Variants in TRUB2 observed in about 807,000 individuals in gnomAD.
TRUB2 encodes the protein pseudouridylate synthase TRUB2, mitochondrial.
In TRUB2, 31 loss-of-function variants were observed where a neutral mutation model predicts 31.9. The observed-to-expected ratio is 0.97, with a 90% CI of 0.73 to 1.31. TRUB2 has a LOEUF of 1.31. Among genes scored for constraint, TRUB2 ranks in the 50% most tolerant of loss-of-function variants. TRUB2 has a pLI of 0.00. For synonymous variants in TRUB2, 201 were observed against 182.6 expected (o/e 1.10, Z -0.81); for missense variants, 451 against 439.6 (o/e 1.03, Z -0.23).
chr9:128,322,184 A>T, intron 1 of TRUB2, 116 bp downstream of exon 1: 1 of 792,676 alleles, frequency 1.3e-6, no homozygotes, highest in Non-Finnish European at 2.1e-6. Context: ...CGTTTGGGAA[A>T]GCGCTCTGCC....
At chr9:128,314,132 T>G (rs550731926) in intron 4 of TRUB2, among the ~76,000 whole-genome samples, 1 of 152,262 alleles carries the variant, frequency 6.6e-6, no homozygotes, top group African/African-American at 2.4e-5. Flanking sequence ...ACAGGGCCAG[T>G]CTCACAGTAC....
At chr9:128,315,744 A>C in intron 3 of TRUB2, 116 bp from the exon 4 acceptor site, 1 of 1,203,770 alleles carries the variant, frequency 8.3e-7, no homozygotes, top group Non-Finnish European at 1.2e-6. Context: ...CAAAGGCAAC[A>C]AGAAGGCAAA....
chr9:128,306,735 C>CT lies in TRUB2; in HGVS notation c.*2814dup, dbSNP rs879861880. 304 of 143,746 alleles carry CT rather than the reference C, an allele frequency of 2.1e-3. No individual in the cohort carries two copies. Among genetic ancestry groups the CT allele is most frequent in the Non-Finnish European group, 3.4e-3 (226 of 65,522 alleles). The allele number at this position is 143,746 out of a possible 1,614,324, so 8.9% of individuals were successfully genotyped here. A position where few individuals can be genotyped will look rare whatever the true frequency, so the allele number is the denominator to read the frequency against. On this transcript the variant is annotated 3_prime_UTR_variant, in exon 8 of 8. Coordinates refer to ENST00000372890, the MANE Select transcript of TRUB2 (RefSeq NM_015679.3). ...ACAGGCGTGAGCCACCGTGCCCAGC[C>CT]TTTTTTTTTTTCTTTTCTGAGACAG...
intron 2 of TRUB2, among the ~76,000 whole-genome samples, 172 bp from the exon 3 acceptor site, chr9:128,317,398 G>A (rs1832088582): frequency 6.6e-6 from 1 of 152,162 alleles, no homozygotes; most frequent in South Asian, 2.1e-4. Context: ...TGTATCCTCA[G>A]TGCCCTGGGA....
intron 6 of TRUB2, 200 bp downstream of exon 6, chr9:128,311,329 G>C (rs1034259982): frequency 6.2e-6 from 4 of 640,192 alleles, no homozygotes; most frequent in Admixed American, 2.8e-5. Context: ...TGGTTCTCTT[G>C]CTCTTCTTGG....
chr9:128,317,281 C>CATTTAG, intron 2 of TRUB2, 55 bp from the exon 3 acceptor site: 1 of 1,518,848 alleles, frequency 6.6e-7, no homozygotes, highest in Non-Finnish European at 9.0e-7. Flanking sequence ...CCCAGGATGG[C>CATTTAG]TTTGGGCTGC....
rs1831894960 is a variant in TRUB2 at position 128,307,943 on chromosome 9, T to C, written c.*1607A>G. The C allele has an allele frequency of 6.6e-6, 1 of 151,548 alleles. No individual in the cohort carries two copies. The highest frequency in any genetic ancestry group is 2.1e-4 in the South Asian group (1 of 4,794). The allele number at this position is 151,548 out of a possible 1,614,324, so 9.4% of individuals were successfully genotyped here. The stretch of plus-strand genomic sequence containing the variant: ...CGGGTGTGGTGGCTCATGCCTGCCA[T>C]CCCAGTGCTTTGGGAGGCAGAGGTT... On this transcript the variant is annotated 3_prime_UTR_variant, in exon 8 of 8. Coordinates refer to ENST00000372890, the MANE Select transcript of TRUB2 (RefSeq NM_015679.3).
chr9:128,319,832 A>C (rs2131455008), intron 2 of TRUB2, among the ~76,000 whole-genome samples: 1 of 151,882 alleles, frequency 6.6e-6, no homozygotes, highest in African/African-American at 2.4e-5. Flanking sequence ...GGGCTTTGCC[A>C]TGTCTTGAAC....
Position 128,308,283 on chromosome 9 carries a change from C to T in TRUB2, c.*1267G>A, listed in dbSNP as rs1168935484. 1 of 151,974 alleles carries T rather than the reference C, an allele frequency of 6.6e-6. No homozygotes were observed. Among genetic ancestry groups the T allele is most frequent in the African/African-American group, 2.4e-5 (1 of 41,340 alleles). The allele number at this position is 151,974 out of a possible 1,614,324, so 9.4% of individuals were successfully genotyped here. On this transcript the variant is annotated 3_prime_UTR_variant, in exon 8 of 8. Transcript: ENST00000372890. ...GTGTGGTGGCTCACGGCTGTAATCC[C>T]AGTACTTTGGGAGGCCAAGCCAGGC... is the stretch of plus-strand genomic sequence containing the variant.
chr9:128,310,498 C>T (rs547314790), intron 7 of TRUB2, among the ~76,000 whole-genome samples: 1 of 151,776 alleles, frequency 6.6e-6, no homozygotes, highest in African/African-American at 2.4e-5. Flanking sequence ...CGGGCGCAGG[C>T]AGAGACAAAA....
intron 3 of TRUB2, chr9:128,316,427 T>G (rs1832069904): frequency 6.6e-6 from 1 of 151,980 alleles, no homozygotes. Flanking sequence ...CTGTGGGTGC[T>G]GTGCAGTCGG....
chr9:128,312,366 G>C (rs554627908), intron 5 of TRUB2, among the ~76,000 whole-genome samples: 6 of 151,250 alleles, frequency 4.0e-5, no homozygotes, highest in African/African-American at 1.5e-4. Context: ...TCGAACTCCT[G>C]ACATCAGGCA....
intron 1 of TRUB2, 126 bp from the exon 2 acceptor site, chr9:128,321,856 T>C: frequency 1.9e-6 from 2 of 1,072,158 alleles, no homozygotes; most frequent in Non-Finnish European, 2.7e-6. Context: ...CATAGCTCAC[T>C]GTAACGTCAA....
intron 4 of TRUB2, among the ~76,000 whole-genome samples, chr9:128,314,251 C>A (rs1832029797): frequency 6.6e-6 from 1 of 152,158 alleles, no homozygotes; most frequent in South Asian, 2.1e-4. Flanking sequence ...TCCAAAGGTA[C>A]TGACCGCTGA....
chr9:128,315,623 C>G lies in TRUB2; in HGVS notation c.322G>C (p.Gly108Arg). ...AGGAGCCTGCATCCATGTCCCACGC[C>G]GAGCACTGAAAAGCAGCCAGCGTCA... ...DAQASGVLVL[G>R]VGHGCRLLTD... The change falls in exon 4 of 8, where the codon GGC (glycine) becomes CGC (arginine). Residue 108 changes from glycine to arginine, a missense_variant. Coordinates refer to ENST00000372890, the MANE Select transcript of TRUB2 (RefSeq NM_015679.3). 6.2e-7 allele frequency: 1 copy of G among 1,613,492 alleles called. No individual in the cohort carries two copies. The highest frequency in any genetic ancestry group is 1.7e-4 in the Middle Eastern group (1 of 6,044).
intron 2 of TRUB2, among the ~76,000 whole-genome samples, chr9:128,320,480 G>A (rs924054875): frequency 3.3e-5 from 5 of 151,056 alleles, no homozygotes; most frequent in Non-Finnish European, 7.4e-5. Context: ...TTATAGGCAT[G>A]TGCCACCACA....
At chr9:128,317,059 G>T in intron 3 of TRUB2, 93 bp downstream of exon 3, 1 of 1,127,434 alleles carries the variant, frequency 8.9e-7, no homozygotes, top group Non-Finnish European at 1.3e-6. Flanking sequence ...GTGGGACGTG[G>T]GTGCCAGGTA....
At chr9:128,321,972 G>C (rs1323900597) in intron 1 of TRUB2, among the ~76,000 whole-genome samples, 2 of 152,096 alleles carry the variant, frequency 1.3e-5, no homozygotes, top group Non-Finnish European at 2.9e-5. Flanking sequence ...CCAAACACTT[G>C]GGGGATTAGA....
At chr9:128,319,393 A>C (rs1272401203) in intron 2 of TRUB2, among the ~76,000 whole-genome samples, 2 of 151,334 alleles carry the variant, frequency 1.3e-5, no homozygotes, top group Non-Finnish European at 2.9e-5. Context: ...CGGGAGGCTT[A>C]GGTGAGAAGA....
Sources: allele counts gnomAD v4.1 joint callset (sites outside exome capture counted in the v4.1 genomes callset), GRCh38; gene constraint gnomAD v4.1.1; transcripts MANE v1.5; gene names NCBI Gene and HGNC (gene_info 2026-07-23, HGNC 2026-07-21).